Variants in VAV2 observed in about 807,000 individuals in gnomAD.
VAV2 encodes the protein vav guanine nucleotide exchange factor 2.
In VAV2, 67 loss-of-function variants were observed where a neutral mutation model predicts 132.5. That is an observed-to-expected ratio of 0.51 (90% CI 0.42 to 0.62). VAV2 has a LOEUF of 0.62. Among genes scored for constraint, VAV2 ranks in the 20% least tolerant of loss-of-function variants. VAV2 has a pLI of 0.00. For synonymous variants in VAV2, 492 were observed against 443.5 expected (o/e 1.11, Z -1.37); for missense variants, 938 against 1,153.6 (o/e 0.81, Z 2.71).
chr9:133,772,148 C>T (rs1056550380), intron 25 of VAV2, 102 bp from the exon 26 acceptor site: 15 of 1,015,944 alleles, frequency 1.5e-5, no homozygotes, highest in African/African-American at 6.3e-5. Flanking sequence ...CAAAGCCCCT[C>T]GTCCCTGGCC....
Position 133,804,813 on chromosome 9 carries a change from G to A in VAV2, c.836+1268C>T, listed in dbSNP as rs1835070970. Among the ~76,000 whole-genome samples the A allele has an allele frequency of 6.6e-6, 1 of 152,144 alleles. No homozygotes were observed. The highest frequency in any genetic ancestry group is 6.5e-5 in the Admixed American group (1 of 15,272). ...AGGGAGCTGTCCTCCCCCGATCCCT[G>A]CCCACTCTTAACCCTCTGGGGCTGG... On this transcript the variant is annotated intron_variant, in intron 9 of 29. Coordinates refer to ENST00000371850, the MANE Select transcript of VAV2 (RefSeq NM_001134398.2). The surrounding 1 kb of genome is among the most constrained non-coding windows in gnomAD (Gnocchi z 4.5).
chr9:133,975,954 T>C (rs1842490501), intron 1 of VAV2, among the ~76,000 whole-genome samples: 1 of 151,954 alleles, frequency 6.6e-6, no homozygotes, highest in South Asian at 2.1e-4. Context: ...TCCCAGCACT[T>C]TGGGAGGCTG....
At chr9:133,862,964 G>A (rs1837657320) in intron 2 of VAV2, among the ~76,000 whole-genome samples, 1 of 152,192 alleles carries the variant, frequency 6.6e-6, no homozygotes. Flanking sequence ...CGGGACCGGC[G>A]CTCAGGGAAG....
At chr9:133,774,207 T>C (rs944331567) in intron 25 of VAV2, among the ~76,000 whole-genome samples, 3 of 152,214 alleles carry the variant, frequency 2.0e-5, no homozygotes, top group Non-Finnish European at 4.4e-5. Flanking sequence ...CCTGGTCCTC[T>C]GTGAGGCCTT....
chr9:133,776,629 G>A (rs1564334404), intron 23 of VAV2, among the ~76,000 whole-genome samples: 1 of 152,152 alleles, frequency 6.6e-6, no homozygotes, highest in South Asian at 2.1e-4. Flanking sequence ...GGAAGGGAAG[G>A]AACCTGCCCC....
In VAV2 at chr9:133,883,161, C is replaced by T. The variant is rs1228990259; in HGVS notation, c.322-21729G>A. Among the ~76,000 whole-genome samples, 1 of 152,236 alleles carries T rather than the reference C, an allele frequency of 6.6e-6. No homozygotes were observed. The highest frequency in any genetic ancestry group is 6.5e-5 in the Admixed American group (1 of 15,290). ...TGGCATGGAAAGTCAAGTCCCTGAG[C>T]CTGCAAAAGACTCGGCTGTCCCCAC... On this transcript the variant is annotated intron_variant, in intron 2 of 29. Coordinates refer to ENST00000371850, the MANE Select transcript of VAV2 (RefSeq NM_001134398.2). The surrounding 1 kb of genome is among the most constrained non-coding windows in gnomAD (Gnocchi z 4.2).
intron 2 of VAV2, among the ~76,000 whole-genome samples, chr9:133,868,298 G>A (rs1837887017): frequency 6.6e-6 from 1 of 152,378 alleles, no homozygotes; most frequent in Admixed American, 6.5e-5. Flanking sequence ...ATGAGGTGGG[G>A]CGCGGTGGGG....
Position 133,899,676 on chromosome 9 carries a change from C to T in VAV2, c.322-38244G>A, listed in dbSNP as rs189629602. ...CCACCCACCTCGGCCTCCCAAAGTG[C>T]TGGGATTACATGCATGAGCCACCAT... On this transcript the variant is annotated intron_variant, in intron 2 of 29. Coordinates refer to ENST00000371850, the MANE Select transcript of VAV2 (RefSeq NM_001134398.2). Among the ~76,000 whole-genome samples the T allele has an allele frequency of 2.3e-3, 333 of 146,790 alleles. 1 individual carries two copies. Among genetic ancestry groups the T allele is most frequent in the African/African-American group, 7.8e-3 (315 of 40,620 alleles).
At chr9:133,945,707 T>C (rs1030258173) in intron 1 of VAV2, among the ~76,000 whole-genome samples, 1 of 152,190 alleles carries the variant, frequency 6.6e-6, no homozygotes, top group African/African-American at 2.4e-5. Context: ...CCAGATCGCC[T>C]GGCCCAACCT....
In VAV2 at chr9:133,961,311, T is replaced by G. The variant is rs1841958036; in HGVS notation, c.205-22092A>C. Among the ~76,000 whole-genome samples, 1 of 152,288 alleles carries G rather than the reference T, an allele frequency of 6.6e-6. No homozygotes were observed. Among genetic ancestry groups the G allele is most frequent in the Non-Finnish European group, 1.5e-5 (1 of 68,028 alleles). On this transcript the variant is annotated intron_variant, in intron 1 of 29. Transcript: ENST00000371850. The surrounding 1 kb of genome is among the most constrained non-coding windows in gnomAD (Gnocchi z 4.1). ...CCCGGCCAGGACTCAAGCCGGCCAA[T>G]GAGGGCTGAAGCTTCGGCCTGTGGC...
chr9:133,968,364 G>A (rs1448139604), intron 1 of VAV2, among the ~76,000 whole-genome samples: 1 of 152,012 alleles, frequency 6.6e-6, no homozygotes, highest in East Asian at 1.9e-4. Flanking sequence ...CATAAACAAC[G>A]TACAATTATT....
At chr9:133,783,889 T>C (rs1834113118) in intron 18 of VAV2, among the ~76,000 whole-genome samples, 1 of 148,676 alleles carries the variant, frequency 6.7e-6, no homozygotes, top group Non-Finnish European at 1.5e-5. Flanking sequence ...TTTTTTTTTT[T>C]TTTTTTTTGG....
At chr9:133,971,074 G>T (rs618439) in intron 1 of VAV2, among the ~76,000 whole-genome samples, 1 of 152,074 alleles carries the variant, frequency 6.6e-6, no homozygotes. Context: ...TGCCTCCTGC[G>T]GGGAGTGGGG....
At chr9:133,900,671 T>C (rs1839402655) in intron 2 of VAV2, among the ~76,000 whole-genome samples, 1 of 152,168 alleles carries the variant, frequency 6.6e-6, no homozygotes, top group Non-Finnish European at 1.5e-5. Flanking sequence ...AATGAGCAAT[T>C]TCCCCTATCT....
chr9:133,862,633 C>T (rs373713118), intron 2 of VAV2, among the ~76,000 whole-genome samples: 6 of 152,298 alleles, frequency 3.9e-5, no homozygotes, highest in South Asian at 2.1e-4. Context: ...ACGACGGCCA[C>T]GTGCCGAATT....
At chr9:133,777,637 G>A (rs1440463884) in intron 22 of VAV2, among the ~76,000 whole-genome samples, 174 bp from the exon 23 acceptor site, 1 of 152,020 alleles carries the variant, frequency 6.6e-6, no homozygotes, top group African/African-American at 2.4e-5. Flanking sequence ...GGAGGTGCAG[G>A]GCCTCCCACC....
chr9:133,923,631 C>T (rs986801268), intron 2 of VAV2, among the ~76,000 whole-genome samples: 1 of 152,124 alleles, frequency 6.6e-6, no homozygotes, highest in Non-Finnish European at 1.5e-5. Flanking sequence ...CCCAGCCATC[C>T]CATTACTGGG....
chr9:133,880,985 C>T (rs1309014841), intron 2 of VAV2, among the ~76,000 whole-genome samples: 2 of 152,322 alleles, frequency 1.3e-5, no homozygotes, highest in South Asian at 2.1e-4. Flanking sequence ...AGTCCCCCCA[C>T]TGTCAGGTGC....
intron 2 of VAV2, among the ~76,000 whole-genome samples, 183 bp from the exon 3 acceptor site, chr9:133,861,615 T>C (rs1481730449): frequency 2.0e-5 from 3 of 152,224 alleles, no homozygotes; most frequent in Non-Finnish European, 4.4e-5. Flanking sequence ...GAGCAAAACT[T>C]GTCATTTGGA....
Sources: allele counts gnomAD v4.1 joint callset (sites outside exome capture counted in the v4.1 genomes callset), GRCh38; gene constraint gnomAD v4.1.1; non-coding constraint Gnocchi (gnomAD v3.1); transcripts MANE v1.5; gene names NCBI Gene and HGNC (gene_info 2026-07-23, HGNC 2026-07-21).